The following PARD3 variants were observed in gnomAD, a reference collection of about 807,000 sequenced individuals.
The protein encoded by PARD3 is par-3 family cell polarity regulator.
A neutral mutation model predicts 155.4 loss-of-function variants in PARD3; 75 were observed. The ratio of observed to expected loss-of-function variants is 0.48; its 90% confidence interval spans 0.40 to 0.58. The LOEUF (loss-of-function observed/expected upper bound fraction) is 0.58. PARD3 is among the 20% of genes least tolerant of loss of function. The pLI is 0.00. For synonymous variants in PARD3, 576 were observed against 610.5 expected, an observed-to-expected ratio of 0.94 and a Z score of 0.83; for missense variants, 1,642 against 1,721.7, an observed-to-expected ratio of 0.95 and a Z score of 0.82.
intron 2 of PARD3, among the ~76,000 whole-genome samples, chr10:34,563,770 C>T (rs1031434804): frequency 6.6e-5 from 10 of 152,098 alleles, no homozygotes; most frequent in Non-Finnish European, 1.0e-4. Flanking sequence ...ACCTCGTGAT[C>T]CGCCCGCCTT....
At chr10:34,330,969 GTCT>G (rs1478052197) in intron 19 of PARD3, 145 bp downstream of exon 19, 1 of 639,350 alleles carries the variant, frequency 1.6e-6, no homozygotes, top group Non-Finnish European at 2.7e-6. Context: ...AAATAATATC[GTCT>G]TATTATGAAA....
chr10:34,473,505 A>G (rs1217640278), intron 3 of PARD3, among the ~76,000 whole-genome samples: 1 of 150,892 alleles, frequency 6.6e-6, no homozygotes, highest in Non-Finnish European at 1.5e-5. Flanking sequence ...TGGGCAACAC[A>G]GTGAGATCCT....
intron 1 of PARD3, among the ~76,000 whole-genome samples, chr10:34,783,375 C>T (rs1311036827): frequency 1.3e-5 from 2 of 151,512 alleles, no homozygotes; most frequent in Non-Finnish European, 1.5e-5. Context: ...GAGGCCGAGG[C>T]GGGCAGATCA....
At chr10:34,280,669 A>C (rs1341887452) in intron 21 of PARD3, among the ~76,000 whole-genome samples, 1 of 152,170 alleles carries the variant, frequency 6.6e-6, no homozygotes, top group Non-Finnish European at 1.5e-5. Context: ...AGCCAGTTAG[A>C]GGAGTAAGCT....
At chr10:34,376,191 T>C (rs937119882) in intron 10 of PARD3, among the ~76,000 whole-genome samples, 1 of 152,216 alleles carries the variant, frequency 6.6e-6, no homozygotes, top group Non-Finnish European at 1.5e-5. Flanking sequence ...AAGGTTGGGC[T>C]TAAAGCATGC....
chr10:34,557,280 G>C (rs1454390613), intron 2 of PARD3, among the ~76,000 whole-genome samples: 1 of 152,066 alleles, frequency 6.6e-6, no homozygotes, highest in African/African-American at 2.4e-5. Flanking sequence ...ATTCACTTTT[G>C]TATCCTCAGT....
At chr10:34,436,504 A>G (rs1434279313) in intron 5 of PARD3, among the ~76,000 whole-genome samples, 3 of 152,338 alleles carry the variant, frequency 2.0e-5, no homozygotes, top group South Asian at 4.1e-4. Context: ...GGAGTGCAAC[A>G]TGGTACGATG....
intron 5 of PARD3, among the ~76,000 whole-genome samples, chr10:34,417,431 A>G (rs1845777336): frequency 2.0e-5 from 3 of 152,216 alleles, no homozygotes; most frequent in Admixed American, 2.0e-4. Flanking sequence ...TTGAAAGAAT[A>G]TGCTCAACAT....
chr10:34,417,580 TAAAG>T (rs775780595), intron 5 of PARD3, among the ~76,000 whole-genome samples: 1 of 152,182 alleles, frequency 6.6e-6, no homozygotes, highest in Non-Finnish European at 1.5e-5. Flanking sequence ...ATTTTCAAAA[TAAAG>T]AAAATAATTT....
chr10:34,511,278 G>A (rs991356637), intron 3 of PARD3, among the ~76,000 whole-genome samples: 2 of 152,152 alleles, frequency 1.3e-5, no homozygotes, highest in African/African-American at 4.8e-5. Flanking sequence ...CCTTATAGGA[G>A]ATGTTGTGTT....
chr10:34,731,818 G>A (rs952313139), intron 1 of PARD3, among the ~76,000 whole-genome samples: 1 of 152,118 alleles, frequency 6.6e-6, no homozygotes, highest in Non-Finnish European at 1.5e-5. Flanking sequence ...GGCAAATGCT[G>A]TAATGAGTCT....
chr10:34,422,521 T>G (rs1347988558), intron 5 of PARD3, among the ~76,000 whole-genome samples: 1 of 151,968 alleles, frequency 6.6e-6, no homozygotes, highest in East Asian at 1.9e-4. Context: ...TATTTGGAAA[T>G]TATATATCTG....
At chr10:34,268,788 G>C (rs919603044) in intron 22 of PARD3, among the ~76,000 whole-genome samples, 1 of 152,152 alleles carries the variant, frequency 6.6e-6, no homozygotes, top group Non-Finnish European at 1.5e-5. Flanking sequence ...TGGGATGGGG[G>C]GAGGGGTGAG....
chr10:34,762,266 GAGAGAGACAAAGAGAC>G (rs1221947420), intron 1 of PARD3, among the ~76,000 whole-genome samples: 1 of 143,040 alleles, frequency 7.0e-6, no homozygotes, highest in Non-Finnish European at 1.5e-5. Flanking sequence ...GAGGGAGAGA[GAGAGAGACAAAGAGAC>G]AGAGAGACAG....
At chr10:34,161,081 A>G (rs982145347) in intron 22 of PARD3, among the ~76,000 whole-genome samples, 22 of 152,000 alleles carry the variant, frequency 1.4e-4, no homozygotes, top group Admixed American at 1.4e-3. Context: ...ATCTCTACAT[A>G]AAAAGTTTAA....
intron 14 of PARD3, among the ~76,000 whole-genome samples, chr10:34,351,806 G>GA (rs1838115283): frequency 6.6e-6 from 1 of 152,238 alleles, no homozygotes; most frequent in South Asian, 2.1e-4. Flanking sequence ...TTGTGTAAGA[G>GA]AAACAGACAT....
chr10:34,541,396 G>A (rs1156275278), intron 2 of PARD3, among the ~76,000 whole-genome samples: 2 of 152,192 alleles, frequency 1.3e-5, no homozygotes, highest in Non-Finnish European at 2.9e-5. Flanking sequence ...TCTGCCCCAA[G>A]ATACAATCTA....
chr10:34,584,282 G>C (rs1173282068), intron 2 of PARD3, among the ~76,000 whole-genome samples: 1 of 152,132 alleles, frequency 6.6e-6, no homozygotes, highest in African/African-American at 2.4e-5. Context: ...AATCACTGAT[G>C]TTGTCTCAGA....
chr10:34,707,260 AAAG>A (rs2094379612), intron 1 of PARD3, among the ~76,000 whole-genome samples: 1 of 151,540 alleles, frequency 6.6e-6, no homozygotes, highest in Non-Finnish European at 1.5e-5. Context: ...AAAAAAAAGA[AAAG>A]AAGAAAAAAA....
Sources: allele counts gnomAD v4.1 joint callset (sites outside exome capture counted in the v4.1 genomes callset), GRCh38; gene constraint gnomAD v4.1.1; transcripts MANE v1.5; gene names NCBI Gene and HGNC (gene_info 2026-07-23, HGNC 2026-07-21).